The following TCERG1L variants were observed in gnomAD, a reference collection of about 807,000 sequenced individuals.
TCERG1L encodes the protein transcription elongation regulator 1 like.
In TCERG1L, 37 loss-of-function variants were observed where a neutral mutation model predicts 56.3. That is an observed-to-expected ratio of 0.66 (90% CI 0.51 to 0.87). TCERG1L has a LOEUF of 0.87. TCERG1L is among the 40% of genes least tolerant of loss of function. The pLI is 0.00. For synonymous variants in TCERG1L, 324 were observed against 326.3 expected, an observed-to-expected ratio of 0.99 and a Z score of 0.08; for missense variants, 799 against 774.2, an observed-to-expected ratio of 1.03 and a Z score of -0.38.
chr10:131,263,318 C>G (rs1846250981), intron 3 of TCERG1L, among the ~76,000 whole-genome samples: 1 of 152,136 alleles, frequency 6.6e-6, no homozygotes, highest in Non-Finnish European at 1.5e-5. Context: ...AATATATCAT[C>G]TTAATAATAA....
At chr10:131,203,141 G>C (rs1845462287) in intron 4 of TCERG1L, among the ~76,000 whole-genome samples, 1 of 152,170 alleles carries the variant, frequency 6.6e-6, no homozygotes, top group African/African-American at 2.4e-5. Flanking sequence ...TGACAGCAGT[G>C]ACGCCTTCTC....
chr10:131,303,688 T>C (rs895419433), intron 3 of TCERG1L, among the ~76,000 whole-genome samples: 4 of 152,118 alleles, frequency 2.6e-5, no homozygotes, highest in African/African-American at 9.7e-5. Context: ...CATCTATTTA[T>C]GCTTAAGAAT....
rs779390750 is a variant in TCERG1L, at chr10:131,093,133, C to T, written c.*29G>A. 5 of 1,609,330 alleles carry T rather than the reference C, an allele frequency of 3.1e-6. No individual in the cohort carries two copies. Among genetic ancestry groups the T allele is most frequent in the Admixed American group, 1.7e-5 (1 of 59,604 alleles). On this transcript the variant is annotated 3_prime_UTR_variant, in exon 12 of 12. Coordinates refer to ENST00000368642, the MANE Select transcript of TCERG1L (RefSeq NM_174937.4). ...CGCCCCCGGCACGCCCAGGGTCAAC[C>T]CCCGGGCTTATTGCATTTTTTCACA...
chr10:131,199,063 C>T (rs1358081171), intron 4 of TCERG1L, among the ~76,000 whole-genome samples: 1 of 152,184 alleles, frequency 6.6e-6, no homozygotes, highest in Non-Finnish European at 1.5e-5. Flanking sequence ...CACCCTGGGC[C>T]CCTCCCTGAG....
At chr10:131,122,204 C>G (rs562021402) in intron 8 of TCERG1L, among the ~76,000 whole-genome samples, 1 of 152,168 alleles carries the variant, frequency 6.6e-6, no homozygotes, top group African/African-American at 2.4e-5. Context: ...ATTCTTGGAA[C>G]GTCCTAAGCA....
At chr10:131,203,357 T>C (rs10765054) in intron 4 of TCERG1L, among the ~76,000 whole-genome samples, 76,934 of 148,804 alleles carry the variant, frequency 0.52, 20,149 homozygotes, top group East Asian at 0.61. Context: ...GTGACCTTCA[T>C]GGTCTCGTCA....
At chr10:131,192,038 A>G (rs2133463602) in intron 4 of TCERG1L, among the ~76,000 whole-genome samples, 1 of 143,054 alleles carries the variant, frequency 7.0e-6, no homozygotes, top group South Asian at 2.2e-4. Flanking sequence ...CGACCTTATT[A>G]AACTAAAAAA....
At chr10:131,228,168 C>T (rs1845814258) in intron 4 of TCERG1L, among the ~76,000 whole-genome samples, 2 of 151,366 alleles carry the variant, frequency 1.3e-5, no homozygotes, top group South Asian at 2.1e-4. Context: ...GTCTCCCCTC[C>T]GGACAGGCAT....
At chr10:131,212,035 G>T (rs1845625638) in intron 4 of TCERG1L, among the ~76,000 whole-genome samples, 1 of 152,096 alleles carries the variant, frequency 6.6e-6, no homozygotes, top group Admixed American at 6.5e-5. Context: ...TGATTCTAAG[G>T]TTTTGTGACT....
intron 9 of TCERG1L, among the ~76,000 whole-genome samples, chr10:131,112,983 G>T (rs867448004): frequency 3.5e-5 from 5 of 142,268 alleles, no homozygotes; most frequent in South Asian, 5.2e-4. Context: ...CGTGAGTCCA[G>T]GTGGCCCCGG....
intron 4 of TCERG1L, among the ~76,000 whole-genome samples, chr10:131,248,905 C>T (rs1846072819): frequency 6.6e-6 from 1 of 152,212 alleles, no homozygotes; most frequent in Non-Finnish European, 1.5e-5. Flanking sequence ...GCCCAGCCCT[C>T]CAGGTCATGC....
intron 7 of TCERG1L, among the ~76,000 whole-genome samples, chr10:131,138,777 T>C (rs931799332): frequency 2.6e-5 from 4 of 152,202 alleles, no homozygotes; most frequent in African/African-American, 9.7e-5. Flanking sequence ...CTCTCCAACA[T>C]TGTGAACATA....
chr10:131,145,881 A>C (rs1845789700), intron 7 of TCERG1L, among the ~76,000 whole-genome samples: 1 of 152,242 alleles, frequency 6.6e-6, no homozygotes, highest in African/African-American at 2.4e-5. Flanking sequence ...GCAGCAGCTA[A>C]TAAAATATGT....
chr10:131,297,891 C>G (rs1363100705), intron 3 of TCERG1L, among the ~76,000 whole-genome samples: 2 of 152,080 alleles, frequency 1.3e-5, no homozygotes, highest in African/African-American at 4.8e-5. Flanking sequence ...GTGTTAAGAT[C>G]CATAATAATG....
intron 3 of TCERG1L, among the ~76,000 whole-genome samples, chr10:131,269,228 C>T (rs183095946): frequency 4.7e-4 from 71 of 151,890 alleles, no homozygotes; most frequent in Admixed American, 9.2e-4. Flanking sequence ...ACTCTGTCAC[C>T]CAAGTTGGAG....
chr10:131,179,063 C>T (rs1390520137), intron 4 of TCERG1L, among the ~76,000 whole-genome samples: 1 of 152,182 alleles, frequency 6.6e-6, no homozygotes, highest in Non-Finnish European at 1.5e-5. Flanking sequence ...GCTGAGCCCG[C>T]GTCGGCACCA....
At chr10:131,186,122 G>A (rs777114843) in intron 4 of TCERG1L, among the ~76,000 whole-genome samples, 30 of 152,204 alleles carry the variant, frequency 2.0e-4, no homozygotes, top group Non-Finnish European at 4.0e-4. Flanking sequence ...GTCACCTATT[G>A]TGTGGTTCAT....
chr10:131,187,069 G>T (rs1226609132), intron 4 of TCERG1L, among the ~76,000 whole-genome samples: 1 of 152,128 alleles, frequency 6.6e-6, no homozygotes, highest in East Asian at 1.9e-4. Context: ...CAATGCACTC[G>T]CTCTGCCCCT....
intron 3 of TCERG1L, 66 bp downstream of exon 3, chr10:131,308,145 T>C: frequency 7.0e-7 from 1 of 1,422,640 alleles, no homozygotes. Context: ...GGTTTTCATA[T>C]CTAAAACTAA....
Sources: gnomAD v4.1 joint callset for allele counts (sites outside exome capture counted in the v4.1 genomes callset) on GRCh38, gnomAD v4.1.1 for gene constraint, MANE v1.5 for transcripts, NCBI Gene and HGNC (gene_info 2026-07-23, HGNC 2026-07-21) for gene names.